Variants in PPARA observed in about 807,000 individuals in gnomAD.
The protein encoded by PPARA is peroxisome proliferator activated receptor alpha.
In PPARA, 22 loss-of-function variants were observed where a neutral mutation model predicts 42.2. The observed-to-expected ratio is 0.52, with a 90% CI of 0.37 to 0.74. The LOEUF (loss-of-function observed/expected upper bound fraction) is 0.74. Ranked by LOEUF, PPARA falls within the 30% of genes least tolerant of loss-of-function variation. The pLI is 0.00. For missense variants in PPARA, 465 were observed against 608.2 expected, an observed-to-expected ratio of 0.76 and a Z score of 2.48; for synonymous variants, 242 against 239.3, an observed-to-expected ratio of 1.01 and a Z score of -0.10.
At chr22:46,218,552 G>A (rs919355877) in intron 6 of PPARA, 151 bp downstream of exon 6, 30 of 1,348,138 alleles carry the variant, frequency 2.2e-5, no homozygotes, top group Non-Finnish European at 2.9e-5. Context: ...AATAAAAGTC[G>A]CCCAGGCGCG....
intron 3 of PPARA, among the ~76,000 whole-genome samples, chr22:46,181,971 T>G (rs1178093349): frequency 3.3e-5 from 5 of 152,248 alleles, no homozygotes; most frequent in Non-Finnish European, 5.9e-5. Context: ...CCTGAGTAGC[T>G]GGGAGTACGG....
At chr22:46,197,042 TTTTGGTTTGGTTTTGG>T (rs1569216818) in intron 3 of PPARA, among the ~76,000 whole-genome samples, 1 of 145,826 alleles carries the variant, frequency 6.9e-6, no homozygotes, top group African/African-American at 2.7e-5. Flanking sequence ...TTGGTTTTGG[TTTTGGTTTGGTTTTGG>T]TTTTTTTTTG....
At chr22:46,198,851 G>T (rs1369275824) in intron 4 of PPARA, among the ~76,000 whole-genome samples, 1 of 151,786 alleles carries the variant, frequency 6.6e-6, no homozygotes, top group South Asian at 2.1e-4. Context: ...AATAGAGACG[G>T]GGTTTCACTG....
chr22:46,164,364 T>C (rs1374013944), intron 2 of PPARA: 3 of 151,564 alleles, frequency 2.0e-5, no homozygotes, highest in African/African-American at 4.9e-5. Flanking sequence ...GCCATTCTAC[T>C]GCCTCAGCCT....
Position 46,171,714 on chromosome 22 carries a change from A to G in PPARA, c.-126-5039A>G, listed in dbSNP as rs1463471288. 6.6e-6 allele frequency among the ~76,000 whole-genome samples: 1 copy of G among 151,964 alleles called. No individual in the cohort carries two copies. Among genetic ancestry groups the G allele is most frequent in the African/African-American group, 2.4e-5 (1 of 41,374 alleles). On this transcript the variant is annotated intron_variant, in intron 2 of 8. Coordinates refer to ENST00000407236, the MANE Select transcript of PPARA (RefSeq NM_005036.6). The surrounding 1 kb of genome is among the most constrained non-coding windows in gnomAD (Gnocchi z 5.0). ...GTGTGACTCGAGCAGTGTCCTGGAG[A>G]GGAGGAGGAGGAGAAAGAGGTCAGG...
chr22:46,175,519 C>T (rs1421977679), intron 2 of PPARA, among the ~76,000 whole-genome samples: 1 of 151,836 alleles, frequency 6.6e-6, no homozygotes, highest in Non-Finnish European at 1.5e-5. Flanking sequence ...CGAGACCATC[C>T]TGGCTAACAT....
chr22:46,154,348 T>G (rs1924929084), intron 2 of PPARA, among the ~76,000 whole-genome samples: 1 of 152,236 alleles, frequency 6.6e-6, no homozygotes, highest in Non-Finnish European at 1.5e-5. Flanking sequence ...CTGGGCGCAG[T>G]GGCTCACGCC....
At position 46,243,733 on chromosome 22, in the gene PPARA, A is replaced by AAAT. The variant is rs1936439502; in HGVS notation, c.*8356_*8358dup. On this transcript the variant is annotated 3_prime_UTR_variant, in exon 9 of 9. Transcript: ENST00000407236. The surrounding 1 kb of genome is among the most constrained non-coding windows in gnomAD (Gnocchi z 5.0). ...ACAGTTTTGCCTTAATGGTTTTAAA[A>AAAT]AATAAACTATTTTTTAAAATTTTTT... 1 of 152,346 alleles carries AAAT rather than the reference A, an allele frequency of 6.6e-6. No homozygotes were observed. The highest frequency in any genetic ancestry group is 2.1e-4 in the South Asian group (1 of 4,826). 9.4% of individuals were successfully genotyped at this position (152,346 alleles called of 1,614,324 possible).
chr22:46,192,272 T>C lies in PPARA; in HGVS notation c.-42-6070T>C, dbSNP rs1931667525. Among the ~76,000 whole-genome samples the C allele has an allele frequency of 6.6e-6, 1 of 152,234 alleles. No homozygotes were observed. Among genetic ancestry groups the C allele is most frequent in the Admixed American group, 6.5e-5 (1 of 15,286 alleles). On this transcript the variant is annotated intron_variant, in intron 3 of 8. Coordinates refer to ENST00000407236, the MANE Select transcript of PPARA (RefSeq NM_005036.6). The surrounding 1 kb of genome is among the most constrained non-coding windows in gnomAD (Gnocchi z 4.3). ...GGGCCCAAGATGCTGCAGGAATCTA[T>C]AGGTGAATGGGTTTCATGAAGGAAG...
Position 46,188,429 on chromosome 22 carries a change from G to T in PPARA, c.-42-9913G>T, listed in dbSNP as rs1931096157. ...AGTCAGCCTTTAGGATTCATCTTGGGTGTCCCTTCCTGTATGTAGGCTCCC... is the reference window on the plus strand; with the variant it reads ...AGTCAGCCTTTAGGATTCATCTTGGTTGTCCCTTCCTGTATGTAGGCTCCC... On this transcript the variant is annotated intron_variant, in intron 3 of 8. Coordinates refer to ENST00000407236, the MANE Select transcript of PPARA (RefSeq NM_005036.6). This position sits in a 1 kb window ranked among gnomAD's most constrained non-coding sequence, Gnocchi z 5.0. Among the ~76,000 whole-genome samples the T allele has an allele frequency of 6.6e-6, 1 of 152,038 alleles. No homozygotes were observed. The highest frequency in any genetic ancestry group is 2.1e-4 in the South Asian group (1 of 4,814).
At chr22:46,194,893 CTTTTTTT>C (rs1161037504) in intron 3 of PPARA, among the ~76,000 whole-genome samples, 9 of 116,048 alleles carry the variant, frequency 7.8e-5, no homozygotes, top group Non-Finnish European at 9.1e-5. Context: ...TGTTTTCTTT[CTTTTTTT>C]TTTTTTTTTT....
At chr22:46,208,967 T>C (rs1358851303) in intron 4 of PPARA, among the ~76,000 whole-genome samples, 1 of 152,070 alleles carries the variant, frequency 6.6e-6, no homozygotes, top group African/African-American at 2.4e-5. Context: ...CGTTCATTAA[T>C]GATCATTTAG....
rs1373980873 is a variant in PPARA, at chr22:46,224,794, G to A, written c.711+4780G>A. 1.3e-5 allele frequency among the ~76,000 whole-genome samples: 2 copies of A among 152,214 alleles called. No individual in the cohort carries two copies. Among genetic ancestry groups the A allele is most frequent in the Admixed American group, 1.3e-4 (2 of 15,288 alleles). Reference sequence around the variant, plus strand: ...ACCCTGAAATGTTCAAAGCCTTGATGGGGAAGCACGGGGGATGGATAGATT... The same window carrying A: ...ACCCTGAAATGTTCAAAGCCTTGATAGGGAAGCACGGGGGATGGATAGATT... On this transcript the variant is annotated intron_variant, in intron 7 of 8. Coordinates refer to ENST00000407236, the MANE Select transcript of PPARA (RefSeq NM_005036.6). This position sits in a 1 kb window ranked among gnomAD's most constrained non-coding sequence, Gnocchi z 5.7.
intron 2 of PPARA, among the ~76,000 whole-genome samples, chr22:46,166,632 C>A (rs57251571): frequency 0.03 from 4,243 of 143,304 alleles, 251 homozygotes; most frequent in African/African-American, 0.11. Flanking sequence ...AAAAAAAAAA[C>A]AAAAAACAGT....
chr22:46,190,501 T>C lies in PPARA; in HGVS notation c.-42-7841T>C, dbSNP rs2147324379. 6.6e-6 allele frequency among the ~76,000 whole-genome samples: 1 copy of C among 152,288 alleles called. No homozygotes were observed. The highest frequency in any genetic ancestry group is 6.5e-5 in the Admixed American group (1 of 15,296). On this transcript the variant is annotated intron_variant, in intron 3 of 8. Coordinates refer to ENST00000407236, the MANE Select transcript of PPARA (RefSeq NM_005036.6). This position sits in a 1 kb window ranked among gnomAD's most constrained non-coding sequence, Gnocchi z 5.6. ...TGGGTATGATGGCTCACACCAGTAA[T>C]CCCAACACTTAGAGGCCAAGCCGCG... is the stretch of plus-strand genomic sequence containing the variant.
chr22:46,176,208 A>G (rs1316274242), intron 2 of PPARA: 1 of 152,188 alleles, frequency 6.6e-6, no homozygotes, highest in East Asian at 1.9e-4. Flanking sequence ...TTACAGGGCT[A>G]CGCTCAGTGG....
intron 5 of PPARA, among the ~76,000 whole-genome samples, 180 bp from the exon 6 acceptor site, chr22:46,218,083 A>T (rs4253751): frequency 6.6e-6 from 1 of 151,772 alleles, no homozygotes; most frequent in South Asian, 2.1e-4. Context: ...CACCCGCCTC[A>T]GCCTCCTAAA....
chr22:46,202,612 C>G lies in PPARA; in HGVS notation c.208+4021C>G, dbSNP rs184466512. 2.0e-3 allele frequency among the ~76,000 whole-genome samples: 303 copies of G among 152,096 alleles called. 1 individual carries two copies. Among genetic ancestry groups the G allele is most frequent in the African/African-American group, 6.7e-3 (280 of 41,516 alleles). ...AATTAGCTGGGCGTGGAGGCGTGCACCTCTTAAGCTTAAGGACATATTTCT... is the reference window on the plus strand; with the variant it reads ...AATTAGCTGGGCGTGGAGGCGTGCAGCTCTTAAGCTTAAGGACATATTTCT... On this transcript the variant is annotated intron_variant, in intron 4 of 8. Coordinates refer to ENST00000407236, the MANE Select transcript of PPARA (RefSeq NM_005036.6).
At chr22:46,207,671 ATTATTATTTTTTTTTTTTTTT>A (rs1016470124) in intron 4 of PPARA, among the ~76,000 whole-genome samples, 10 of 74,428 alleles carry the variant, frequency 1.3e-4, no homozygotes, top group African/African-American at 5.5e-4. Context: ...TATTATTATT[ATTATTATTTTTTTTTTTTTTT>A]TTTTTTTTAG....
Sources: allele counts gnomAD v4.1 joint callset (sites outside exome capture counted in the v4.1 genomes callset), GRCh38; gene constraint gnomAD v4.1.1; non-coding constraint Gnocchi (gnomAD v3.1); transcripts MANE v1.5; gene names NCBI Gene and HGNC (gene_info 2026-07-23, HGNC 2026-07-21).